ZNF324: variants seen among roughly 807,000 people sequenced by gnomAD.
ZNF324 encodes zinc finger protein 324.
ZNF324 carries 3 observed loss-of-function variants against 10.3 expected under a neutral mutation model. That is an observed-to-expected ratio of 0.29 (90% CI 0.13 to 0.75). ZNF324 has a LOEUF of 0.75. Among genes scored for constraint, ZNF324 ranks in the 30% least tolerant of loss-of-function variants. The pLI is 0.69. For synonymous variants in ZNF324, 430 were observed against 339.5 expected (o/e 1.27, Z -2.93); for missense variants, 763 against 784.4 (o/e 0.97, Z 0.33).
chr19:58,468,992 C>T (rs977351895), intron 1 of ZNF324, among the ~76,000 whole-genome samples, 188 bp from the exon 2 acceptor site: 8 of 152,174 alleles, frequency 5.3e-5, no homozygotes, highest in Admixed American at 1.3e-4. Flanking sequence ...AAAACAAGTT[C>T]GTGAACTTTC....
At chr19:58,469,666 C>G in intron 2 of ZNF324, 62 bp from the exon 3 acceptor site, 1 of 1,371,498 alleles carries the variant, frequency 7.3e-7, no homozygotes, top group African/African-American at 1.4e-5. Context: ...CTCCTGCCCT[C>G]TGTTTGGAGG....
Position 58,470,718 on chromosome 19 carries a change from T to C in ZNF324, c.239-13T>C, listed in dbSNP as rs2053021772. 1 of 1,614,084 alleles carries C rather than the reference T, an allele frequency of 6.2e-7. No individual in the cohort carries two copies. Among genetic ancestry groups the C allele is most frequent in the Non-Finnish European group, 8.5e-7 (1 of 1,180,042 alleles). On this transcript the variant is annotated splice_polypyrimidine_tract_variant and intron_variant, in intron 3 of 3. Coordinates refer to ENST00000196482, the MANE Select transcript of ZNF324 (RefSeq NM_014347.3). ...CAGGATGCCCCAGGCAACCACTGTTTCTCTGCCTTTAGGTTCCTGGAGTTT... is the reference window on the plus strand; with the variant it reads ...CAGGATGCCCCAGGCAACCACTGTTCCTCTGCCTTTAGGTTCCTGGAGTTT...
At chr19:58,468,879 A>G (rs540689312) in intron 1 of ZNF324, among the ~76,000 whole-genome samples, 2 of 152,244 alleles carry the variant, frequency 1.3e-5, no homozygotes, top group Non-Finnish European at 2.9e-5. Flanking sequence ...GAGGGACATC[A>G]TGGAAGGTGG....
At chr19:58,469,413 C>T (rs1222427265) in intron 2 of ZNF324, 107 bp downstream of exon 2, 3 of 1,451,882 alleles carry the variant, frequency 2.1e-6, no homozygotes, top group East Asian at 4.6e-5. Context: ...TACCTTGCAG[C>T]CAGGAGCCAT....
chr19:58,469,047 T>G, intron 1 of ZNF324, 133 bp from the exon 2 acceptor site: 1 of 1,048,460 alleles, frequency 9.5e-7, no homozygotes, highest in Non-Finnish European at 1.4e-6. Context: ...TTTTAGCTCA[T>G]CAGCTGTTAT....
At position 58,471,110 on chromosome 19, in the gene ZNF324, C is replaced by CTTT. The variant is rs1165115003; in HGVS notation, c.619_621dup (p.Phe207dup). ...GTGCACAGGAGGTCCCTGGGAGAAC[C>CTTT]TTTGGGAGCGCCCAGGACCTGGAGG... is the stretch of plus-strand genomic sequence containing the variant. On this transcript the variant is annotated inframe_insertion, in exon 4 of 4. Transcript: ENST00000196482. 1 of 1,613,838 alleles carries CTTT rather than the reference C, an allele frequency of 6.2e-7. No individual in the cohort carries two copies. The highest frequency in any genetic ancestry group is 2.2e-5 in the East Asian group (1 of 44,882).
Position 58,472,489 on chromosome 19 carries a change from T to A in ZNF324, c.*335T>A, listed in dbSNP as rs1479735240. 1.3e-5 allele frequency: 4 copies of A among 296,842 alleles called. No individual in the cohort carries two copies. The East Asian group carries it at 2.4e-4, about 18-fold the overall frequency. 18.4% of individuals were successfully genotyped at this position (296,842 alleles called of 1,614,324 possible). ...CTTCATGTGATATGACAGTGGATGCTAAGGTGAGAGGGATGCAGGCATGGG... is the reference window on the plus strand; with the variant it reads ...CTTCATGTGATATGACAGTGGATGCAAAGGTGAGAGGGATGCAGGCATGGG... On this transcript the variant is annotated 3_prime_UTR_variant, in exon 4 of 4. Coordinates refer to ENST00000196482, the MANE Select transcript of ZNF324 (RefSeq NM_014347.3).
rs2053046336 is a variant in ZNF324, at chr19:58,472,511, T to C, written c.*357T>C. On this transcript the variant is annotated 3_prime_UTR_variant, in exon 4 of 4. Coordinates refer to ENST00000196482, the MANE Select transcript of ZNF324 (RefSeq NM_014347.3). ...TGCTAAGGTGAGAGGGATGCAGGCA[T>C]GGGTTGGGGGTGGCCCAGAGAAACT... The C allele has an allele frequency of 8.1e-6, 2 of 246,060 alleles. No homozygotes were observed. The highest frequency in any genetic ancestry group is 1.2e-4 in the South Asian group (1 of 8,380). 15.2% of individuals were successfully genotyped at this position (246,060 alleles called of 1,614,324 possible). A position where few individuals can be genotyped will look rare whatever the true frequency, so the allele number is the denominator to read the frequency against.
chr19:58,470,632 T>A lies in ZNF324; in HGVS notation c.239-99T>A. On this transcript the variant is annotated intron_variant, in intron 3 of 3. Coordinates refer to ENST00000196482, the MANE Select transcript of ZNF324 (RefSeq NM_014347.3). ...CACCTCTACTTTTCCCCTAAGCTTT[T>A]GTGCCAGCTCCGGGGTTCCTTCTTG... 5 of 1,479,116 alleles carry A rather than the reference T, an allele frequency of 3.4e-6. 1 individual carries two copies. In the South Asian group the frequency reaches 5.7e-5, roughly 17 times the overall value. 91.6% of individuals were successfully genotyped at this position (1,479,116 alleles called of 1,614,324 possible). A position where few individuals can be genotyped will look rare whatever the true frequency, so the allele number is the denominator to read the frequency against.
In ZNF324 at chr19:58,469,176, T is replaced by G. The variant is rs778652148; in HGVS notation, c.-6-4T>G. On this transcript the variant is annotated splice_region_variant and splice_polypyrimidine_tract_variant and intron_variant, in intron 1 of 3. Transcript: ENST00000196482. ...TGGCTGTCTCTTCCTCCCTGCTCTT[T>G]TAGGACCAGATGGCCTTTGAGGATG... 6 of 1,614,190 alleles carry G rather than the reference T, an allele frequency of 3.7e-6. No individual in the cohort carries two copies. The South Asian group carries it at 6.6e-5, about 18-fold the overall frequency.
In ZNF324 at chr19:58,471,722, C is replaced by T. The variant is rs1451726747; in HGVS notation, c.1230C>T (p.Ser410=). ...ALCGAAFSQG[S]SLFKHQRVHT... is the part of the protein sequence containing the mutation. ...GCGGTGCTGCCTTCAGCCAGGGCTC[C>T]TCGCTCTTTAAGCACCAGCGCGTGC... The change falls in exon 4 of 4, where the codon TCC becomes TCT. Residue 410 remains serine, a synonymous_variant. Coordinates refer to ENST00000196482, the MANE Select transcript of ZNF324 (RefSeq NM_014347.3). 7.4e-6 allele frequency: 12 copies of T among 1,612,404 alleles called. No individual in the cohort carries two copies. The highest frequency in any genetic ancestry group is 5.5e-5 in the South Asian group (5 of 91,040).
At chr19:58,470,121 G>A (rs2053015254) in intron 3 of ZNF324, among the ~76,000 whole-genome samples, 1 of 152,180 alleles carries the variant, frequency 6.6e-6, no homozygotes, top group Non-Finnish European at 1.5e-5. Flanking sequence ...AACCCTCCAT[G>A]GCTAGTCACT....
Position 58,472,892 on chromosome 19 carries a change from G to A in ZNF324, c.*738G>A, listed in dbSNP as rs1316054001. ...GGAAGATGAGGAAACTGAGGCACAC[G>A]GCCTGGCCTGGCTTCACACACATAG... On this transcript the variant is annotated 3_prime_UTR_variant, in exon 4 of 4. Coordinates refer to ENST00000196482, the MANE Select transcript of ZNF324 (RefSeq NM_014347.3). 4 of 152,756 alleles carry A rather than the reference G, an allele frequency of 2.6e-5. No individual in the cohort carries two copies. Among genetic ancestry groups the A allele is most frequent in the East Asian group, 1.9e-4 (1 of 5,200 alleles). 9.5% of individuals were successfully genotyped at this position (152,756 alleles called of 1,614,324 possible). A position where few individuals can be genotyped will look rare whatever the true frequency, so the allele number is the denominator to read the frequency against.
intron 1 of ZNF324, among the ~76,000 whole-genome samples, chr19:58,467,930 C>G (rs1314410489): frequency 6.6e-6 from 1 of 151,726 alleles, no homozygotes; most frequent in South Asian, 2.1e-4. Context: ...CCGTTTGTTG[C>G]GTGGAGAACA....
Position 58,472,285 on chromosome 19 carries a change from G to C in ZNF324, c.*131G>C. On this transcript the variant is annotated 3_prime_UTR_variant, in exon 4 of 4. Transcript: ENST00000196482. ...GGGACAAGGGAGGCCCTTTGGCTGT[G>C]ATTTCATTTGCACGTGGGGACAGGA... 1 of 1,006,126 alleles carries C rather than the reference G, an allele frequency of 9.9e-7. No individual in the cohort carries two copies. The highest frequency in any genetic ancestry group is 1.4e-6 in the Non-Finnish European group (1 of 711,590). 62.3% of individuals were successfully genotyped at this position (1,006,126 alleles called of 1,614,324 possible). A position where few individuals can be genotyped will look rare whatever the true frequency, so the allele number is the denominator to read the frequency against.
rs2053022644 is a variant in ZNF324 at position 58,470,778 on chromosome 19, C to G, written c.286C>G (p.Arg96Gly). The change falls in exon 4 of 4, where the codon CGA (arginine) becomes GGA (glycine). Residue 96 changes from arginine to glycine, a missense_variant. Physicochemically the swap from Arg to Gly is moderately radical, Grantham distance 125. Transcript: ENST00000196482. Reference protein sequence around the residue: ...EDRDVSGEWPRAFPDTPPGMT... With the variant: ...EDRDVSGEWPGAFPDTPPGMT... ...TAGAGATGTTTCTGGAGAATGGCCA[C>G]GAGCTTTCCCAGATACCCCACCTGG... 3 of 1,614,100 alleles carry G rather than the reference C, an allele frequency of 1.9e-6. No individual in the cohort carries two copies. Among genetic ancestry groups the G allele is most frequent in the Non-Finnish European group, 1.7e-6 (2 of 1,180,046 alleles).
intron 1 of ZNF324, among the ~76,000 whole-genome samples, chr19:58,468,691 G>T (rs1284343578): frequency 6.6e-6 from 1 of 152,180 alleles, no homozygotes; most frequent in Non-Finnish European, 1.5e-5. Context: ...TGGTGTGGCA[G>T]CTGAGGGCCC....
At chr19:58,470,470 G>A (rs990636479) in intron 3 of ZNF324, 8 of 603,716 alleles carry the variant, frequency 1.3e-5, no homozygotes, top group East Asian at 5.9e-5. Flanking sequence ...TACAGCAGCC[G>A]CTAGTTTTCC....
At position 58,474,775 on chromosome 19, in the gene ZNF324, C is replaced by G. The variant is rs182505079; in HGVS notation, c.*2621C>G. Reference sequence around the variant, plus strand: ...GGGAGTATTTAAAACACATAACCCACAAGTATGAGGATGGTGACAGAGGAG... The same window carrying G: ...GGGAGTATTTAAAACACATAACCCAGAAGTATGAGGATGGTGACAGAGGAG... On this transcript the variant is annotated 3_prime_UTR_variant, in exon 4 of 4. Transcript: ENST00000196482. 6.6e-6 allele frequency: 1 copy of G among 152,302 alleles called. No homozygotes were observed. Among genetic ancestry groups the G allele is most frequent in the African/African-American group, 2.4e-5 (1 of 41,530 alleles). 9.4% of individuals were successfully genotyped at this position (152,302 alleles called of 1,614,324 possible).
Sources: gnomAD v4.1 joint callset for allele counts (sites outside exome capture counted in the v4.1 genomes callset) on GRCh38, gnomAD v4.1.1 for gene constraint, MANE v1.5 for transcripts, NCBI Gene and HGNC (gene_info 2026-07-23, HGNC 2026-07-21) for gene names.